Variants in LARP1B observed in about 807,000 individuals in gnomAD.
The protein encoded by LARP1B is La ribonucleoprotein 1B, also known as la-related protein 1B.
LARP1B carries 76 observed loss-of-function variants against 114.2 expected under a neutral mutation model. That is an observed-to-expected ratio of 0.67 (90% CI 0.55 to 0.81). The LOEUF is 0.81. LARP1B is among the 30% of genes least tolerant of loss of function. LARP1B has a pLI of 0.00. For synonymous variants in LARP1B, 345 were observed against 348.0 expected (o/e 0.99, Z 0.10); for missense variants, 1,014 against 1,075.8 (o/e 0.94, Z 0.80).
At chr4:128,199,745 A>G in intron 16 of LARP1B, 146 bp downstream of exon 16, 3 of 386,470 alleles carry the variant, frequency 7.8e-6, no homozygotes, top group Non-Finnish European at 8.9e-6. Flanking sequence ...GTTTACATAT[A>G]TTCTTTATTC....
intron 10 of LARP1B, among the ~76,000 whole-genome samples, chr4:128,119,311 G>A (rs1787117597): frequency 1.3e-5 from 2 of 152,162 alleles, no homozygotes; most frequent in East Asian, 3.8e-4. Context: ...CTGGGATGTA[G>A]AATTTCTTAG....
intron 3 of LARP1B, among the ~76,000 whole-genome samples, chr4:128,076,998 A>G (rs1768188362): frequency 6.6e-6 from 1 of 152,140 alleles, no homozygotes; most frequent in South Asian, 2.1e-4. Flanking sequence ...AAGTGCTAGG[A>G]TTACAGGTGT....
chr4:128,165,897 G>A (rs1001796030), intron 12 of LARP1B, among the ~76,000 whole-genome samples: 1 of 151,888 alleles, frequency 6.6e-6, no homozygotes, highest in South Asian at 2.1e-4. Context: ...TCTAAAATTT[G>A]GAAGCTTTAG....
intron 10 of LARP1B, among the ~76,000 whole-genome samples, chr4:128,120,394 T>C (rs148220088): frequency 1.3e-5 from 2 of 152,056 alleles, no homozygotes; most frequent in African/African-American, 4.8e-5. Flanking sequence ...TTACATGTTA[T>C]AAGATCTAGG....
intron 10 of LARP1B, among the ~76,000 whole-genome samples, chr4:128,121,358 C>T (rs769744924): frequency 1.3e-5 from 2 of 152,248 alleles, no homozygotes; most frequent in Admixed American, 6.5e-5. Flanking sequence ...GCTCTTGTCG[C>T]CCAGGCTCTA....
Position 128,122,058 on chromosome 4 carries a change from A to G in LARP1B, c.1394A>G (p.Asp465Gly). 1.9e-6 allele frequency: 3 copies of G among 1,614,144 alleles called. No individual in the cohort carries two copies. The highest frequency in any genetic ancestry group is 2.5e-6 in the Non-Finnish European group (3 of 1,180,018). Residue 465 changes from aspartate to glycine, a missense_variant, in exon 11 of 20, where the codon GAT becomes GGT. By Grantham distance (94) the Asp-to-Gly change is moderately conservative. Transcript: ENST00000326639. Reference protein sequence around the residue: ...PPYVKKHPGGDRTGTHMSRAK... With the variant: ...PPYVKKHPGGGRTGTHMSRAK... Reference sequence around the variant, plus strand: ...TATGTGAAAAAACATCCTGGAGGAGATCGAACAGGCACCCACATGTCTCGG... The same window carrying G: ...TATGTGAAAAAACATCCTGGAGGAGGTCGAACAGGCACCCACATGTCTCGG...
chr4:128,098,765 A>ATATATATATG (rs1779107536), intron 8 of LARP1B, among the ~76,000 whole-genome samples: 1 of 32,840 alleles, frequency 3.0e-5, no homozygotes, highest in African/African-American at 1.2e-4. Context: ...ATATATATAT[A>ATATATATATG]TATTTTTTTT....
chr4:128,155,781 C>A (rs1221274731), intron 11 of LARP1B: 7 of 1,596,942 alleles, frequency 4.4e-6, no homozygotes, highest in Middle Eastern at 3.3e-4. Flanking sequence ...AACTGACTGA[C>A]TTCCTGCAGG....
At chr4:128,110,593 C>T (rs1253701850) in intron 9 of LARP1B, among the ~76,000 whole-genome samples, 3 of 133,888 alleles carry the variant, frequency 2.2e-5, no homozygotes, top group East Asian at 2.4e-4. Flanking sequence ...AGGAGAATGG[C>T]GTGAACCCGG....
chr4:128,213,701 T>C (rs1281463481), downstream of LARP1B, among the ~76,000 whole-genome samples: 1 of 152,194 alleles, frequency 6.6e-6, no homozygotes, highest in Non-Finnish European at 1.5e-5. Flanking sequence ...AAAAAGGCAA[T>C]GCTAAAAATG....
intron 13 of LARP1B, among the ~76,000 whole-genome samples, chr4:128,177,711 G>T (rs1019773053): frequency 7.9e-5 from 12 of 152,154 alleles, no homozygotes; most frequent in African/African-American, 2.7e-4. Context: ...CTCACATGCT[G>T]CTGGTGAGAG....
chr4:128,079,227 TG>T (rs2149432547), intron 4 of LARP1B, among the ~76,000 whole-genome samples: 1 of 151,988 alleles, frequency 6.6e-6, no homozygotes, highest in African/African-American at 2.4e-5. Flanking sequence ...CCTGAGTAGC[TG>T]GGATTACAGG....
chr4:128,152,493 C>T (rs1368708573), intron 11 of LARP1B, among the ~76,000 whole-genome samples: 2 of 151,808 alleles, frequency 1.3e-5, no homozygotes, highest in Non-Finnish European at 2.9e-5. Context: ...TGAGCCACTG[C>T]GCCCGGCCAA....
At chr4:128,086,415 A>G (rs1402443808) in intron 5 of LARP1B, among the ~76,000 whole-genome samples, 1 of 151,816 alleles carries the variant, frequency 6.6e-6, no homozygotes, top group Non-Finnish European at 1.5e-5. Flanking sequence ...TGCAACCTTC[A>G]CTTCCTAGGC....
intron 11 of LARP1B, among the ~76,000 whole-genome samples, chr4:128,142,538 C>T (rs571814848): frequency 7.0e-6 from 1 of 142,286 alleles, no homozygotes; most frequent in South Asian, 2.2e-4. Context: ...GATGGAGTTT[C>T]GCTCTTGTTG....
chr4:128,060,866 C>T (rs866459138), upstream of LARP1B, among the ~76,000 whole-genome samples: 5 of 152,096 alleles, frequency 3.3e-5, no homozygotes, highest in South Asian at 6.2e-4. Flanking sequence ...TTGGGAGCTG[C>T]CCCAGGCCGG....
intron 11 of LARP1B, among the ~76,000 whole-genome samples, chr4:128,129,842 T>C (rs1790996248): frequency 6.6e-6 from 1 of 152,044 alleles, no homozygotes; most frequent in African/African-American, 2.4e-5. Flanking sequence ...AAAATGAATC[T>C]TCACCCTTCA....
At chr4:128,155,703 G>A in intron 11 of LARP1B, 1 of 1,607,162 alleles carries the variant, frequency 6.2e-7, no homozygotes, top group Non-Finnish European at 8.5e-7. Flanking sequence ...CGGAGGAAGA[G>A]GAGCGCCGCC....
In LARP1B at chr4:128,140,092, A is replaced by G. The variant is rs1727325573; in HGVS notation, c.1524+17904A>G. On this transcript the variant is annotated intron_variant, in intron 11 of 19. Transcript: ENST00000326639. ...GGAATATAAAATATCTCAAATTTTA[A>G]TAATTATTGCATGTCGAAATAGATT... Among the ~76,000 whole-genome samples, 3 of 152,246 alleles carry G rather than the reference A, an allele frequency of 2.0e-5. 1 individual carries two copies. Among genetic ancestry groups the G allele is most frequent in the Admixed American group, 1.3e-4 (2 of 15,276 alleles).
Sources: allele counts gnomAD v4.1 joint callset (sites outside exome capture counted in the v4.1 genomes callset), GRCh38; gene constraint gnomAD v4.1.1; transcripts MANE v1.5; gene names NCBI Gene and HGNC (gene_info 2026-07-23, HGNC 2026-07-21).